Variants in CSNK2A2IP observed in about 807,000 individuals in gnomAD.
CSNK2A2IP encodes casein kinase 2 subunit alpha' interacting protein.
At chr3:88,425,459 T>A in the CSNK2A2IP span, among the ~76,000 whole-genome samples, 552 of 152,306 alleles carry the variant, frequency 3.6e-3, 2 homozygotes, top group Middle Eastern at 0.017. Flanking sequence ...ATTCTATTTT[T>A]AAATATTTAT....
the CSNK2A2IP span, among the ~76,000 whole-genome samples, chr3:88,369,736 C>A: frequency 1.3e-5 from 2 of 151,812 alleles, no homozygotes; most frequent in African/African-American, 2.4e-5. Flanking sequence ...TGGAGTTTGT[C>A]CTGTCTTTGA....
chr3:88,444,406 T>C, the CSNK2A2IP span, among the ~76,000 whole-genome samples: 1 of 152,204 alleles, frequency 6.6e-6, no homozygotes, highest in African/African-American at 2.4e-5. Flanking sequence ...GTAATGCTTA[T>C]ACTCAGCAAA....
chr3:88,448,129 T>C, the CSNK2A2IP span, among the ~76,000 whole-genome samples: 1 of 152,164 alleles, frequency 6.6e-6, no homozygotes, highest in Non-Finnish European at 1.5e-5. Flanking sequence ...TTATTGGACT[T>C]GAAGAGGAAG....
the CSNK2A2IP span, among the ~76,000 whole-genome samples, chr3:88,458,371 G>T: frequency 6.6e-6 from 1 of 151,836 alleles, no homozygotes; most frequent in Non-Finnish European, 1.5e-5. Flanking sequence ...GGCTGGTCTC[G>T]AACTCCTTAT....
At chr3:88,441,521 A>T in the CSNK2A2IP span, among the ~76,000 whole-genome samples, 1 of 152,172 alleles carries the variant, frequency 6.6e-6, no homozygotes, top group Non-Finnish European at 1.5e-5. Flanking sequence ...GTTGCGTTAA[A>T]TACTTAAATG....
the CSNK2A2IP span, among the ~76,000 whole-genome samples, chr3:88,463,905 A>G: frequency 6.6e-6 from 1 of 152,102 alleles, no homozygotes; most frequent in Non-Finnish European, 1.5e-5. Context: ...AACAACCCAA[A>G]TGTCCAACAA....
At chr3:88,445,275 C>CAAAAAAAAAAAAAAA in the CSNK2A2IP span, among the ~76,000 whole-genome samples, 41 of 47,766 alleles carry the variant, frequency 8.6e-4, 6 homozygotes, top group Admixed American at 1.6e-3. Context: ...GTAAAAATAC[C>CAAAAAAAAAAAAAAA]AAAAAAAAAA....
At chr3:88,439,563 G>A in the CSNK2A2IP span, among the ~76,000 whole-genome samples, 1 of 151,814 alleles carries the variant, frequency 6.6e-6, no homozygotes, top group African/African-American at 2.4e-5. Flanking sequence ...CCAAAATGGT[G>A]AAACCCTGTC....
chr3:88,416,391 C>A, the CSNK2A2IP span, among the ~76,000 whole-genome samples: 5 of 151,998 alleles, frequency 3.3e-5, no homozygotes, highest in African/African-American at 1.2e-4. Flanking sequence ...ATAGATTTTG[C>A]ATCTTTTTAC....
chr3:88,384,673 TG>T, the CSNK2A2IP span, among the ~76,000 whole-genome samples: 1 of 152,218 alleles, frequency 6.6e-6, no homozygotes, highest in African/African-American at 2.4e-5. Context: ...GAACAATTTT[TG>T]TGGCTATAGA....
the CSNK2A2IP span, among the ~76,000 whole-genome samples, chr3:88,457,058 A>C: frequency 6.6e-6 from 1 of 152,278 alleles, no homozygotes; most frequent in South Asian, 2.1e-4. Flanking sequence ...AATATCCTTA[A>C]CAGACTTTAA....
At chr3:88,414,270 G>GTTTTTTTTTTT in the CSNK2A2IP span, among the ~76,000 whole-genome samples, 4 of 64,100 alleles carry the variant, frequency 6.2e-5, no homozygotes, top group African/African-American at 2.2e-4. Flanking sequence ...TACCAACAAA[G>GTTTTTTTTTTT]TTTTTTTTTT....
chr3:88,442,617 G>A, the CSNK2A2IP span, among the ~76,000 whole-genome samples: 2 of 151,910 alleles, frequency 1.3e-5, no homozygotes, highest in African/African-American at 4.8e-5. Context: ...TTATTTCTCA[G>A]AGCAAACTTG....
At chr3:88,454,118 T>C in the CSNK2A2IP span, among the ~76,000 whole-genome samples, 12,094 of 152,084 alleles carry the variant, frequency 0.08, 842 homozygotes, top group East Asian at 0.21. Context: ...TTTTAAATTT[T>C]AGTTATTCAA....
chr3:88,341,848 T>C, the CSNK2A2IP span, among the ~76,000 whole-genome samples: 2 of 152,050 alleles, frequency 1.3e-5, no homozygotes, highest in Non-Finnish European at 1.5e-5. Context: ...ATGTATACAT[T>C]TTGGTATGTT....
the CSNK2A2IP span, among the ~76,000 whole-genome samples, chr3:88,452,249 A>G: frequency 9.3e-5 from 14 of 151,084 alleles, no homozygotes; most frequent in African/African-American, 3.4e-4. Flanking sequence ...ATGAGGCTTT[A>G]TCTGTGGAAG....
At chr3:88,419,498 G>T in the CSNK2A2IP span, among the ~76,000 whole-genome samples, 15 of 152,098 alleles carry the variant, frequency 9.9e-5, no homozygotes, top group African/African-American at 1.2e-4. Context: ...TCTTTATCCA[G>T]TTCACCATTG....
chr3:88,362,538 T>G, the CSNK2A2IP span, among the ~76,000 whole-genome samples: 8 of 152,316 alleles, frequency 5.3e-5, no homozygotes, highest in South Asian at 1.7e-3. Context: ...CCACCACAGC[T>G]GACTCCACAC....
At chr3:88,424,049 G>T in the CSNK2A2IP span, among the ~76,000 whole-genome samples, 1 of 152,012 alleles carries the variant, frequency 6.6e-6, no homozygotes, top group Non-Finnish European at 1.5e-5. Context: ...GGATATACTT[G>T]CCCAACTCTT....
Sources: allele counts gnomAD v4.1 joint callset (sites outside exome capture counted in the v4.1 genomes callset), GRCh38; gene constraint gnomAD v4.1.1; transcripts MANE v1.5; gene names NCBI Gene and HGNC (gene_info 2026-07-23, HGNC 2026-07-21).